The following TTC6 variants were observed in gnomAD, a reference collection of about 807,000 sequenced individuals.
The protein encoded by TTC6 is tetratricopeptide repeat domain 6, also known as tetratricopeptide repeat protein 6.
A neutral mutation model predicts 210.4 loss-of-function variants in TTC6; 172 were observed. The ratio of observed to expected loss-of-function variants is 0.82; its 90% CI spans 0.72 to 0.93. TTC6 has a LOEUF of 0.93. TTC6 is among the 40% of genes least tolerant of loss of function. The pLI is 0.00. For synonymous variants in TTC6, 804 were observed against 819.6 expected, an observed-to-expected ratio of 0.98 and a Z score of 0.32; for missense variants, 2,414 against 2,318.1, an observed-to-expected ratio of 1.04 and a Z score of -0.85.
chr14:37,783,372 T>C (rs1321179506), intron 14 of TTC6, among the ~76,000 whole-genome samples: 6 of 152,166 alleles, frequency 3.9e-5, no homozygotes, highest in Non-Finnish European at 8.8e-5. Flanking sequence ...GGTGTATGTG[T>C]CCAGGAATTT....
chr14:37,770,236 T>C (rs932165302), intron 14 of TTC6, among the ~76,000 whole-genome samples: 1 of 152,158 alleles, frequency 6.6e-6, no homozygotes. Flanking sequence ...TGTGGTCAGT[T>C]TTGGAATAGG....
At chr14:37,761,572 G>T (rs557896338) in intron 14 of TTC6, among the ~76,000 whole-genome samples, 2 of 151,952 alleles carry the variant, frequency 1.3e-5, no homozygotes, top group Non-Finnish European at 2.9e-5. Flanking sequence ...CCATCATCAG[G>T]TCATTTCCAA....
intron 1 of TTC6, among the ~76,000 whole-genome samples, chr14:37,663,681 A>G (rs1283905804): frequency 5.3e-5 from 8 of 152,156 alleles, no homozygotes; most frequent in Non-Finnish European, 1.2e-4. Flanking sequence ...AAACACTGCT[A>G]TGATGAAAGT....
intron 7 of TTC6, among the ~76,000 whole-genome samples, chr14:37,729,103 T>C (rs1168695495): frequency 6.6e-6 from 1 of 152,228 alleles, no homozygotes; most frequent in East Asian, 1.9e-4. Context: ...TGCACACATA[T>C]GTGTATTTTT....
chr14:37,753,111 G>T (rs1199236858), exon 14 of TTC6: 1 of 1,532,778 alleles, frequency 6.5e-7, no homozygotes, highest in Admixed American at 2.0e-5. Context: ...TATTTTTTAT[G>T]ATCCCAAAAG....
chr14:37,743,973 G>A (rs190603868), intron 10 of TTC6, among the ~76,000 whole-genome samples: 2 of 152,284 alleles, frequency 1.3e-5, no homozygotes, highest in East Asian at 1.9e-4. Flanking sequence ...TATGAAGAAA[G>A]CATCTTCCTT....
chr14:37,693,974 C>A (rs1190197766), intron 3 of TTC6, among the ~76,000 whole-genome samples: 1 of 117,046 alleles, frequency 8.5e-6, no homozygotes, highest in Non-Finnish European at 1.7e-5. Flanking sequence ...TATAAAACTA[C>A]CACAAAAACA....
At chr14:37,793,751 T>C (rs367791735) in intron 17 of TTC6, among the ~76,000 whole-genome samples, 12 of 152,310 alleles carry the variant, frequency 7.9e-5, no homozygotes, top group African/African-American at 2.4e-4. Flanking sequence ...CAAAGGCTGT[T>C]CTGAGAGACG....
chr14:37,768,796 C>A (rs1431749654), intron 14 of TTC6, among the ~76,000 whole-genome samples: 1 of 151,900 alleles, frequency 6.6e-6, no homozygotes, highest in Non-Finnish European at 1.5e-5. Flanking sequence ...CCTTTATTTC[C>A]TTCTCCTGCC....
intron 14 of TTC6, among the ~76,000 whole-genome samples, chr14:37,757,048 G>A (rs891698872): frequency 3.9e-5 from 6 of 152,012 alleles, no homozygotes; most frequent in African/African-American, 1.4e-4. Flanking sequence ...GTCTATTCAG[G>A]GATTCGATTT....
At chr14:37,769,610 C>T (rs181591898) in intron 14 of TTC6, among the ~76,000 whole-genome samples, 245 of 152,226 alleles carry the variant, frequency 1.6e-3, no homozygotes, top group Non-Finnish European at 2.8e-3. Flanking sequence ...GTAGTATTCT[C>T]TGATGGTAGT....
chr14:37,639,885 T>TAAA (rs571405717), intron 1 of TTC6, among the ~76,000 whole-genome samples: 1 of 128,854 alleles, frequency 7.8e-6, no homozygotes, highest in African/African-American at 2.9e-5. Context: ...GACCCTGTCT[T>TAAA]AAAAAAAAAA....
intron 25 of TTC6, among the ~76,000 whole-genome samples, chr14:37,812,971 TTAAA>T (rs1482004189): frequency 7.2e-5 from 11 of 152,198 alleles, no homozygotes; most frequent in Admixed American, 1.3e-4. Context: ...TAAAGAATAA[TTAAA>T]TAAAATTCAT....
intron 19 of TTC6, 47 bp downstream of exon 21, chr14:37,796,417 T>G: frequency 1.3e-6 from 1 of 795,872 alleles, no homozygotes; most frequent in Non-Finnish European, 1.9e-6. Flanking sequence ...CTTTAAAATT[T>G]TTATGCTATT....
intron 1 of TTC6, among the ~76,000 whole-genome samples, chr14:37,660,229 T>TA (rs1213776641): frequency 6.6e-6 from 1 of 152,060 alleles, no homozygotes; most frequent in Non-Finnish European, 1.5e-5. Context: ...GTTTTTTTTT[T>TA]AATTTTAATT....
At chr14:37,619,393 C>T (rs1451823621), upstream of TTC6, among the ~76,000 whole-genome samples, 3 of 152,118 alleles carry the variant, frequency 2.0e-5, no homozygotes, top group African/African-American at 2.4e-5. Context: ...TGAATAATTA[C>T]AATTATAAAG....
At chr14:37,832,609 G>T (rs2096188558) in intron 29 of TTC6, among the ~76,000 whole-genome samples, 1 of 151,770 alleles carries the variant, frequency 6.6e-6, no homozygotes, top group Admixed American at 6.6e-5. Context: ...ATTTTCATTT[G>T]CTTATTTAAT....
intron 6 of TTC6, among the ~76,000 whole-genome samples, chr14:37,717,745 T>TA (rs967244852): frequency 2.2e-3 from 326 of 150,030 alleles, no homozygotes; most frequent in African/African-American, 7.4e-3. Context: ...ACAAAGACAG[T>TA]AAAAAAAACA....
chr14:37,616,882 A>G (rs186669447), intron 2 of TTC6, among the ~76,000 whole-genome samples: 1 of 152,258 alleles, frequency 6.6e-6, no homozygotes, highest in Admixed American at 6.5e-5. Flanking sequence ...TATTCTTAAA[A>G]AAAATTATTT....
Sources: allele counts gnomAD v4.1 joint callset (sites outside exome capture counted in the v4.1 genomes callset), GRCh38; gene constraint gnomAD v4.1.1; transcripts MANE v1.5; gene names NCBI Gene and HGNC (gene_info 2026-07-23, HGNC 2026-07-21).